Variants in PRDM16 observed in about 807,000 individuals in gnomAD.
The protein encoded by PRDM16 is histone-lysine N-methyltransferase PRDM16.
Under a neutral mutation model 110.6 loss-of-function variants are expected in PRDM16, and 23 were observed. That is an observed-to-expected ratio of 0.21 (90% CI 0.15 to 0.29). The LOEUF is 0.29. Ranked by LOEUF, PRDM16 falls within the 10% of genes least tolerant of loss-of-function variation. The probability of loss-of-function intolerance (pLI) is 1.00; values close to 1 mark genes in which losing one functional copy is unlikely to be tolerated. For missense variants in PRDM16, 1,615 were observed against 1,794.3 expected, an observed-to-expected ratio of 0.90 and a Z score of 1.81; for synonymous variants, 799 against 781.8, an observed-to-expected ratio of 1.02 and a Z score of -0.37.
intron 3 of PRDM16, among the ~76,000 whole-genome samples, chr1:3,320,287 G>A (rs1011540472): frequency 6.6e-6 from 1 of 152,222 alleles, no homozygotes; most frequent in Non-Finnish European, 1.5e-5. Context: ...GACGCATTGG[G>A]ATTTTCATGG....
intron 12 of PRDM16, among the ~76,000 whole-genome samples, chr1:3,423,786 A>G (rs1007175712): frequency 3.9e-5 from 6 of 152,350 alleles, no homozygotes; most frequent in African/African-American, 1.4e-4. Flanking sequence ...AGCTGCTACC[A>G]GGCCCCCCCG....
chr1:3,414,372 G>A (rs1643744411), intron 9 of PRDM16, among the ~76,000 whole-genome samples, 188 bp from the exon 10 acceptor site: 1 of 152,156 alleles, frequency 6.6e-6, no homozygotes, highest in South Asian at 2.1e-4. Context: ...CAGGTGGGCT[G>A]GGCTCCCGAC....
At chr1:3,393,965 A>G (rs973553135) in intron 4 of PRDM16, among the ~76,000 whole-genome samples, 2 of 151,910 alleles carry the variant, frequency 1.3e-5, no homozygotes, top group African/African-American at 4.8e-5. Context: ...AGGGCCAGGG[A>G]GGGGGAGCCC....
chr1:3,431,830 C>T, intron 15 of PRDM16, 136 bp from the exon 16 acceptor site: 1 of 815,680 alleles, frequency 1.2e-6, no homozygotes, highest in Non-Finnish European at 2.0e-6. Context: ...GTCCGTGTGT[C>T]TGTCTCCCTG....
intron 3 of PRDM16, among the ~76,000 whole-genome samples, chr1:3,248,680 G>T (rs1214665567): frequency 6.6e-6 from 1 of 152,186 alleles, no homozygotes; most frequent in Admixed American, 6.5e-5. Flanking sequence ...TTATTATTAC[G>T]TACAAAATGC....
At chr1:3,286,790 A>G (rs894618067) in intron 3 of PRDM16, among the ~76,000 whole-genome samples, 1 of 152,190 alleles carries the variant, frequency 6.6e-6, no homozygotes, top group Non-Finnish European at 1.5e-5. Context: ...AAACAGAGGC[A>G]CACAGAGTGG....
chr1:3,410,369 C>T (rs182571644), intron 8 of PRDM16, among the ~76,000 whole-genome samples: 166 of 152,254 alleles, frequency 1.1e-3, no homozygotes, highest in Non-Finnish European at 1.8e-3. Flanking sequence ...CAGCCAGAGC[C>T]GGGCACTGCC....
At chr1:3,408,756 A>G (rs12063579) in intron 8 of PRDM16, among the ~76,000 whole-genome samples, 36,072 of 122,286 alleles carry the variant, frequency 0.29, 4,867 homozygotes, top group African/African-American at 0.44. Flanking sequence ...ATGTGTTGGC[A>G]CACGTGAGAG....
At chr1:3,423,402 C>A (rs566653464) in intron 12 of PRDM16, among the ~76,000 whole-genome samples, 7 of 152,172 alleles carry the variant, frequency 4.6e-5, no homozygotes, top group Admixed American at 2.0e-4. Flanking sequence ...GAGGCCCCTG[C>A]GGGTGTGTTG....
chr1:3,241,731 C>T (rs544085205), intron 2 of PRDM16, among the ~76,000 whole-genome samples: 4 of 152,336 alleles, frequency 2.6e-5, no homozygotes, highest in African/African-American at 9.6e-5. Context: ...CCCACCCGGA[C>T]GCTCGGAGGG....
chr1:3,209,691 G>T lies in PRDM16; in HGVS notation c.387+23217G>T, dbSNP rs943407335. ...CTTCTGGAGAGGTTTAGTTGTCAAC[G>T]GCCACCAGGAACCACAGCCCTCCCG... On this transcript the variant is annotated intron_variant, in intron 2 of 16. Transcript: ENST00000270722. This position sits in a 1 kb window ranked among gnomAD's most constrained non-coding sequence, Gnocchi z 4.6. Among the ~76,000 whole-genome samples the T allele has an allele frequency of 6.6e-6, 1 of 152,150 alleles. No homozygotes were observed. Among genetic ancestry groups the T allele is most frequent in the African/African-American group, 2.4e-5 (1 of 41,430 alleles).
chr1:3,373,129 C>CA (rs1338998812), intron 3 of PRDM16, among the ~76,000 whole-genome samples: 1 of 152,198 alleles, frequency 6.6e-6, no homozygotes, highest in African/African-American at 2.4e-5. Flanking sequence ...CAGGCACACA[C>CA]AAGAGTCTCC....
intron 14 of PRDM16, among the ~76,000 whole-genome samples, chr1:3,426,931 T>A (rs2493279): frequency 0.15 from 23,151 of 152,024 alleles, 3,627 homozygotes; most frequent in African/African-American, 0.39. Flanking sequence ...GCACGTGCAC[T>A]CATGCACACA....
At chr1:3,128,904 G>C (rs576862852) in intron 1 of PRDM16, among the ~76,000 whole-genome samples, 2 of 152,372 alleles carry the variant, frequency 1.3e-5, no homozygotes, top group Non-Finnish European at 2.9e-5. Context: ...GGCCCCAGGT[G>C]GGGGTGCGCA....
chr1:3,374,951 G>A (rs1375132991), intron 3 of PRDM16, among the ~76,000 whole-genome samples: 2 of 152,220 alleles, frequency 1.3e-5, no homozygotes, highest in Non-Finnish European at 2.9e-5. Flanking sequence ...GAGAACCTTC[G>A]GTGTCCGGGC....
intron 2 of PRDM16, among the ~76,000 whole-genome samples, chr1:3,218,869 T>C (rs2100861689): frequency 6.6e-6 from 1 of 152,330 alleles, no homozygotes; most frequent in South Asian, 2.1e-4. Flanking sequence ...CCAGCTGGCA[T>C]TTTTGGAGAC....
intron 3 of PRDM16, among the ~76,000 whole-genome samples, chr1:3,342,010 T>C (rs544675866): frequency 1.3e-5 from 2 of 152,330 alleles, no homozygotes; most frequent in East Asian, 3.9e-4. Flanking sequence ...AATGTAAGGA[T>C]GGGAAAGACC....
At chr1:3,076,412 TC>T (rs1301487239) in intron 1 of PRDM16, among the ~76,000 whole-genome samples, 1 of 152,136 alleles carries the variant, frequency 6.6e-6, no homozygotes, top group African/African-American at 2.4e-5. Context: ...TGAGATGTGT[TC>T]TGAGGAAGCT....
rs184451184 is a variant in PRDM16 at position 3,243,790 on chromosome 1, C to A, written c.388-297C>A. On this transcript the variant is annotated intron_variant, in intron 2 of 16. Coordinates refer to ENST00000270722, the MANE Select transcript of PRDM16 (RefSeq NM_022114.4). This position sits in a 1 kb window ranked among gnomAD's most constrained non-coding sequence, Gnocchi z 5.5. ...GAGACGCCTTGACCTGGGTCCCCAC[C>A]CAACCACTAAAGGGCCAGAGTGAGC... Among the ~76,000 whole-genome samples the A allele has an allele frequency of 9.0e-4, 137 of 152,302 alleles. No homozygotes were observed. Among genetic ancestry groups the A allele is most frequent in the African/African-American group, 3.1e-3 (130 of 41,554 alleles).
Sources: allele counts gnomAD v4.1 joint callset (sites outside exome capture counted in the v4.1 genomes callset), GRCh38; gene constraint gnomAD v4.1.1; non-coding constraint Gnocchi (gnomAD v3.1); transcripts MANE v1.5; gene names NCBI Gene and HGNC (gene_info 2026-07-23, HGNC 2026-07-21).